PLSCR1: variants seen among roughly 807,000 people sequenced by gnomAD.
The protein encoded by PLSCR1 is PL scramblase 1.
A neutral mutation model predicts 37.8 loss-of-function variants in PLSCR1; 17 were observed. The observed-to-expected ratio is 0.45, with a 90% confidence interval of 0.31 to 0.68. PLSCR1 has a LOEUF of 0.68. PLSCR1 is among the 30% of genes least tolerant of loss of function. PLSCR1 has a pLI of 0.06. For synonymous variants in PLSCR1, 116 were observed against 125.9 expected (o/e 0.92, Z 0.53); for missense variants, 347 against 380.9 (o/e 0.91, Z 0.74).
At chr3:146,543,511 G>GTCAC (rs2044364454) in intron 1 of PLSCR1, among the ~76,000 whole-genome samples, 1 of 152,084 alleles carries the variant, frequency 6.6e-6, no homozygotes, top group Admixed American at 6.5e-5. Flanking sequence ...ACGTTTAAGT[G>GTCAC]TCACTTGTAG....
intron 2 of PLSCR1, among the ~76,000 whole-genome samples, chr3:146,536,152 GT>G (rs2044261954): frequency 6.6e-6 from 1 of 152,100 alleles, no homozygotes; most frequent in South Asian, 2.1e-4. Context: ...ACATTGAGGT[GT>G]GTATCTGAGG....
At chr3:146,525,514 T>G in intron 5 of PLSCR1, 91 bp downstream of exon 5, 12 of 718,564 alleles carry the variant, frequency 1.7e-5, no homozygotes, top group East Asian at 5.1e-5. Context: ...CCTATATAAG[T>G]GAGAGTGTTA....
At chr3:146,539,950 T>G (rs866573307) in intron 1 of PLSCR1, among the ~76,000 whole-genome samples, 19 of 152,314 alleles carry the variant, frequency 1.2e-4, no homozygotes, top group Middle Eastern at 6.8e-3. Context: ...TTTGCTGTTA[T>G]AATGATCCTT....
chr3:146,517,718 T>A (rs2043965893), intron 7 of PLSCR1, among the ~76,000 whole-genome samples: 1 of 151,698 alleles, frequency 6.6e-6, no homozygotes, highest in Admixed American at 6.6e-5. Flanking sequence ...ACGCCAAGGG[T>A]TGAGGTTGAG....
At chr3:146,520,327 T>TA (rs2044001750) in intron 7 of PLSCR1, 1 of 152,170 alleles carries the variant, frequency 6.6e-6, no homozygotes, top group Non-Finnish European at 1.5e-5. Flanking sequence ...ATTTATTTAC[T>TA]AAAAATAAAA....
chr3:146,521,877 G>T lies in PLSCR1; in HGVS notation c.532C>A (p.Pro178Thr), dbSNP rs757444135. The T allele has an allele frequency of 6.2e-7, 1 of 1,613,920 alleles. No individual in the cohort carries two copies. Among genetic ancestry groups the T allele is most frequent in the Admixed American group, 1.7e-5 (1 of 60,008 alleles). ...CAACAACAGCTGCTACATCTTAGTG[G>T]TCTCTCCAGAGTTATGACTTCTTGA... ...MGQEVITLER[P>T]LRCSSCCCPC... The change falls in exon 6 of 9, where the codon CCA becomes ACA. Residue 178 changes from proline (P) to threonine (T), a missense_variant. By Grantham distance (38) the Pro-to-Thr change is conservative (BLOSUM62 -1). Transcript: ENST00000342435.
intron 1 of PLSCR1, chr3:146,538,013 G>T (rs1325968205): frequency 1.3e-5 from 2 of 152,148 alleles, no homozygotes; most frequent in Non-Finnish European, 2.9e-5. Context: ...GTTCAGCAAT[G>T]GTTGAATAAT....
At chr3:146,528,265 T>G (rs998296058) in intron 4 of PLSCR1, 1 of 258,354 alleles carries the variant, frequency 3.9e-6, no homozygotes, top group African/African-American at 2.3e-5. Context: ...TGGACCTCAG[T>G]TTCTTCTTTT....
intron 4 of PLSCR1, chr3:146,528,108 A>C (rs1401464144): frequency 6.6e-6 from 1 of 152,512 alleles, no homozygotes; most frequent in East Asian, 1.9e-4. Context: ...CTCAACAATA[A>C]ACTTTATTTA....
At chr3:146,525,025 G>A (rs2044087635) in intron 5 of PLSCR1, among the ~76,000 whole-genome samples, 1 of 152,120 alleles carries the variant, frequency 6.6e-6, no homozygotes, top group African/African-American at 2.4e-5. Flanking sequence ...TGCACCTAAG[G>A]AGCCCTGGAC....
intron 5 of PLSCR1, among the ~76,000 whole-genome samples, chr3:146,522,514 C>A (rs2044039623): frequency 6.6e-6 from 1 of 152,094 alleles, no homozygotes; most frequent in Admixed American, 6.5e-5. Flanking sequence ...AGAGTCATCA[C>A]CACTCCCTAA....
intron 8 of PLSCR1, 66 bp downstream of exon 8, chr3:146,516,940 A>T: frequency 1.0e-6 from 1 of 990,298 alleles, no homozygotes; most frequent in Non-Finnish European, 1.5e-6. Context: ...TATACACTTT[A>T]CTGAATCATT....
At chr3:146,536,404 T>C in intron 2 of PLSCR1, 136 bp downstream of exon 2, 1 of 593,350 alleles carries the variant, frequency 1.7e-6, no homozygotes, top group Non-Finnish European at 3.1e-6. Context: ...GAACTAGACA[T>C]TGTATTCTGG....
intron 1 of PLSCR1, among the ~76,000 whole-genome samples, chr3:146,543,520 A>T (rs1433097274): frequency 6.6e-6 from 1 of 152,190 alleles, no homozygotes; most frequent in Admixed American, 6.5e-5. Context: ...TGTCACTTGT[A>T]GTAACCATGT....
In PLSCR1 at chr3:146,521,693, C is replaced by G. The variant is rs1405749129; in HGVS notation, c.589G>C (p.Ala197Pro). The part of the protein sequence containing the change: ...PCCLQEIEIQ[A>P]PPGVPIGYVI... ...TAACCTATTGGTACACCAGGAGGAG[C>G]TTGGATTTCTATCTACAAAGGCAAA... Residue 197 changes from alanine (A) to proline (P), a missense_variant, in exon 7 of 9, where the codon GCT (alanine) becomes CCT (proline). Coordinates refer to ENST00000342435, the MANE Select transcript of PLSCR1 (RefSeq NM_021105.3). 1.9e-6 allele frequency: 3 copies of G among 1,612,744 alleles called. No individual in the cohort carries two copies. The highest frequency in any genetic ancestry group is 2.5e-6 in the Non-Finnish European group (3 of 1,179,068).
chr3:146,535,646 C>A (rs1380246974), intron 2 of PLSCR1, among the ~76,000 whole-genome samples: 1 of 152,054 alleles, frequency 6.6e-6, no homozygotes, highest in Admixed American at 6.6e-5. Flanking sequence ...TAAAAGTTGC[C>A]TATGACCATC....
At chr3:146,537,408 A>G (rs1057481) in intron 1 of PLSCR1, among the ~76,000 whole-genome samples, 41,211 of 151,890 alleles carry the variant, frequency 0.27, 5,810 homozygotes, top group African/African-American at 0.32. Context: ...TTGGACCCAC[A>G]CACACTAACA....
chr3:146,522,635 T>C (rs1214678744), intron 5 of PLSCR1, among the ~76,000 whole-genome samples: 2 of 152,164 alleles, frequency 1.3e-5, no homozygotes, highest in Non-Finnish European at 2.9e-5. Context: ...AAATATGGCC[T>C]CCTGGGAAGG....
intron 7 of PLSCR1, among the ~76,000 whole-genome samples, chr3:146,517,942 G>C (rs1341953504): frequency 6.6e-6 from 1 of 152,178 alleles, no homozygotes; most frequent in Non-Finnish European, 1.5e-5. Flanking sequence ...TACACATATA[G>C]TTGTATTAAC....
Sources: allele counts gnomAD v4.1 joint callset (sites outside exome capture counted in the v4.1 genomes callset), GRCh38; gene constraint gnomAD v4.1.1; transcripts MANE v1.5; gene names NCBI Gene and HGNC (gene_info 2026-07-23, HGNC 2026-07-21).